Variants in FUT8 observed in about 807,000 individuals in gnomAD.
FUT8 encodes alpha-(1,6)-fucosyltransferase.
Under a neutral mutation model 71.3 loss-of-function variants are expected in FUT8, and 29 were observed. That is an observed-to-expected ratio of 0.41 (90% CI 0.30 to 0.55). FUT8 has a LOEUF of 0.55. Among genes scored for constraint, FUT8 ranks in the 20% least tolerant of loss-of-function variants. The pLI is 0.34. For missense variants in FUT8, 544 were observed against 702.1 expected (o/e 0.77, Z 2.55); for synonymous variants, 254 against 239.3 (o/e 1.06, Z -0.57).
At chr14:65,443,048 G>GAGT (rs1249248622) in intron 1 of FUT8, among the ~76,000 whole-genome samples, 1 of 152,094 alleles carries the variant, frequency 6.6e-6, no homozygotes, top group Non-Finnish European at 1.5e-5. Flanking sequence ...CCGGATAGAG[G>GAGT]AGTAGTATAT....
chr14:65,722,123 T>G, intron 8 of FUT8, 102 bp downstream of exon 8: 1 of 1,390,336 alleles, frequency 7.2e-7, no homozygotes, highest in Non-Finnish European at 9.8e-7. Context: ...TCAATTTTTA[T>G]AGTCCCACCA....
chr14:65,682,020 G>A (rs1016950776), intron 7 of FUT8, among the ~76,000 whole-genome samples: 2 of 152,168 alleles, frequency 1.3e-5, no homozygotes, highest in African/African-American at 4.8e-5. Context: ...GACATATGTG[G>A]CCTGCAAAGC....
At chr14:65,426,079 C>G (rs1438091092) in intron 1 of FUT8, among the ~76,000 whole-genome samples, 1 of 152,062 alleles carries the variant, frequency 6.6e-6, no homozygotes, top group East Asian at 1.9e-4. Flanking sequence ...ACTTACTCAT[C>G]CTGAATAACC....
chr14:65,408,685 T>G (rs2065096487), upstream of FUT8, among the ~76,000 whole-genome samples: 1 of 152,228 alleles, frequency 6.6e-6, no homozygotes, highest in Non-Finnish European at 1.5e-5. Context: ...ATTTCAGCCA[T>G]GGAGGCAAGT....
chr14:65,410,493 C>T (rs1685993619), upstream of FUT8: 1 of 151,474 alleles, frequency 6.6e-6, no homozygotes, highest in African/African-American at 2.4e-5. Context: ...TCAAGAGATA[C>T]CAAAGTTATT....
intron 2 of FUT8, among the ~76,000 whole-genome samples, chr14:65,557,959 A>G (rs1418846876): frequency 2.0e-5 from 3 of 152,186 alleles, no homozygotes; most frequent in Admixed American, 2.0e-4. Flanking sequence ...CTTCAGTTAT[A>G]TCGTTGTCTT....
intron 10 of FUT8, among the ~76,000 whole-genome samples, chr14:65,738,153 G>A (rs1896316836): frequency 1.3e-5 from 2 of 152,108 alleles, no homozygotes; most frequent in African/African-American, 4.8e-5. Flanking sequence ...AGCTGTTACT[G>A]CATTAATCCT....
At chr14:65,626,828 A>G (rs2140254418) in intron 5 of FUT8, among the ~76,000 whole-genome samples, 1 of 152,354 alleles carries the variant, frequency 6.6e-6, no homozygotes, top group East Asian at 1.9e-4. Context: ...ATATAAATAC[A>G]TTTCTGACTT....
chr14:65,610,664 C>T (rs775160556), intron 3 of FUT8, among the ~76,000 whole-genome samples: 2 of 151,970 alleles, frequency 1.3e-5, no homozygotes, highest in Non-Finnish European at 1.5e-5. Flanking sequence ...GCTGGGATTA[C>T]AGGCGTGAGC....
intron 3 of FUT8, among the ~76,000 whole-genome samples, chr14:65,563,463 A>G (rs929361809): frequency 6.6e-6 from 1 of 152,046 alleles, no homozygotes; most frequent in African/African-American, 2.4e-5. Flanking sequence ...GAATCCCAGT[A>G]GTATGACTCC....
At chr14:65,425,436 G>A (rs1322095060) in intron 1 of FUT8, among the ~76,000 whole-genome samples, 1 of 148,998 alleles carries the variant, frequency 6.7e-6, no homozygotes, top group Non-Finnish European at 1.5e-5. Flanking sequence ...CCAAAGTGCT[G>A]GGATTACAGG....
chr14:65,357,478 G>C, the FUT8 span, among the ~76,000 whole-genome samples: 1 of 152,110 alleles, frequency 6.6e-6, no homozygotes, highest in Non-Finnish European at 1.5e-5. Flanking sequence ...TATTTCTTTA[G>C]GGCTCTGCAG....
chr14:65,659,957 G>A (rs1422591968), intron 6 of FUT8, among the ~76,000 whole-genome samples: 2 of 152,092 alleles, frequency 1.3e-5, no homozygotes, highest in Non-Finnish European at 2.9e-5. Context: ...GGGAATTAGG[G>A]TATAAACTTA....
chr14:65,611,551 C>T (rs117397384), intron 3 of FUT8, among the ~76,000 whole-genome samples: 2,629 of 151,686 alleles, frequency 0.017, 49 homozygotes, highest in Middle Eastern at 0.021. Context: ...TTAGGGTAGA[C>T]GCTACAATAT....
At chr14:65,517,949 C>G (rs1391183620) in intron 2 of FUT8, among the ~76,000 whole-genome samples, 1 of 144,590 alleles carries the variant, frequency 6.9e-6, no homozygotes, top group Admixed American at 7.1e-5. Context: ...GGTTTCACAG[C>G]AGAGCTGCTT....
intron 3 of FUT8, among the ~76,000 whole-genome samples, chr14:65,584,902 ATTTATATTCT>A (rs899176586): frequency 5.5e-4 from 84 of 152,342 alleles, no homozygotes; most frequent in African/African-American, 1.8e-3. Context: ...GACAGATCTA[ATTTATATTCT>A]ATATTGGCTG....
rs1888892217 is a variant in FUT8 at position 65,611,195 on chromosome 14, ACACGCGCGCGCGCGCGCGCGCGCGCGCG to A, written c.204-4779_204-4752del. ...CATTTTAAGTGTCATACACACACACACACGCGCGCGCGCGCGCGCGCGCGCGCGCACACACACACACACACACACACAC... is the reference window on the plus strand; with the variant it reads ...CATTTTAAGTGTCATACACACACACACACACACACACACACACACACACAC... On this transcript the variant is annotated intron_variant, in intron 3 of 10. Transcript: ENST00000673929. Among the ~76,000 whole-genome samples, 20 of 14,304 alleles carry A rather than the reference ACACGCGCGCGCGCGCGCGCGCGCGCGCG, an allele frequency of 1.4e-3. 2 individuals are homozygous for A. The highest frequency in any genetic ancestry group is 7.9e-3 in the South Asian group (1 of 126). The allele number at this position is 14,304 out of a possible 152,430, so 9.4% of individuals were successfully genotyped here. A position where few individuals can be genotyped will look rare whatever the true frequency, so the allele number is the denominator to read the frequency against.
At chr14:65,732,676 A>G (rs537978253) in intron 9 of FUT8, among the ~76,000 whole-genome samples, 1 of 152,300 alleles carries the variant, frequency 6.6e-6, no homozygotes, top group African/African-American at 2.4e-5. Context: ...GTAAGAGTAG[A>G]TGGTTCTTCA....
chr14:65,525,949 T>G (rs968877809), intron 2 of FUT8, among the ~76,000 whole-genome samples: 1 of 152,242 alleles, frequency 6.6e-6, no homozygotes, highest in African/African-American at 2.4e-5. Flanking sequence ...ATTTCTGTTC[T>G]TTTACATTTC....
Sources: allele counts gnomAD v4.1 joint callset (sites outside exome capture counted in the v4.1 genomes callset), GRCh38; gene constraint gnomAD v4.1.1; transcripts MANE v1.5; gene names NCBI Gene and HGNC (gene_info 2026-07-23, HGNC 2026-07-21).